The following WDR37 variants were observed in gnomAD, a reference collection of about 807,000 sequenced individuals.
WDR37 encodes WD repeat-containing protein 37.
WDR37 carries 19 observed loss-of-function variants against 62.9 expected under a neutral mutation model. That is an observed-to-expected ratio of 0.30 (90% CI 0.21 to 0.44). The LOEUF is 0.44. WDR37 is among the 20% of genes least tolerant of loss of function. The pLI is 1.00. For missense variants in WDR37, 474 were observed against 657.6 expected (o/e 0.72, Z 3.05); for synonymous variants, 250 against 260.9 (o/e 0.96, Z 0.40).
intron 6 of WDR37, among the ~76,000 whole-genome samples, chr10:1,085,360 T>C (rs534095789): frequency 1.3e-5 from 2 of 152,272 alleles, no homozygotes; most frequent in South Asian, 4.1e-4. Context: ...TGAGGGACAG[T>C]AGTTTGGTAC....
intron 1 of WDR37, among the ~76,000 whole-genome samples, chr10:1,066,403 A>G (rs146293411): frequency 0.011 from 1,619 of 152,344 alleles, 28 homozygotes; most frequent in Non-Finnish European, 0.013. Context: ...GGCGTGAGCC[A>G]CCTCGCCCAG....
intron 11 of WDR37, among the ~76,000 whole-genome samples, chr10:1,107,729 A>G (rs924825331): frequency 1.4e-5 from 2 of 147,766 alleles, no homozygotes; most frequent in East Asian, 2.0e-4. Context: ...CTCTTTACAC[A>G]TGTGTACACA....
At position 1,126,154 on chromosome 10, in the gene WDR37, G is replaced by C. The variant is rs534174238; in HGVS notation, c.1353+1130G>C. Among the ~76,000 whole-genome samples the C allele has an allele frequency of 7.2e-3, 1,103 of 152,176 alleles. 8 individuals carry two copies. Among genetic ancestry groups the C allele is most frequent in the African/African-American group, 0.014 (588 of 41,516 alleles). Reference sequence around the variant, plus strand: ...GTCGCAGTGGCTGACGCCTGTAATCGTAGCACTTTGGGAGGCTGAGGCGGG... The same window carrying C: ...GTCGCAGTGGCTGACGCCTGTAATCCTAGCACTTTGGGAGGCTGAGGCGGG... On this transcript the variant is annotated intron_variant, in intron 13 of 13. Coordinates refer to ENST00000263150, the MANE Select transcript of WDR37 (RefSeq NM_014023.4).
intron 13 of WDR37, among the ~76,000 whole-genome samples, chr10:1,126,874 G>C (rs1352597157): frequency 6.6e-6 from 1 of 152,316 alleles, no homozygotes; most frequent in South Asian, 2.1e-4. Flanking sequence ...GTTAATTATT[G>C]AGTTTTTACT....
intron 11 of WDR37, among the ~76,000 whole-genome samples, chr10:1,120,338 C>T (rs1835537155): frequency 6.6e-6 from 1 of 152,220 alleles, no homozygotes; most frequent in Non-Finnish European, 1.5e-5. Flanking sequence ...ACACAGCTAC[C>T]CCATGTCTTC....
At chr10:1,066,331 T>C (rs1833545494) in intron 1 of WDR37, among the ~76,000 whole-genome samples, 1 of 152,212 alleles carries the variant, frequency 6.6e-6, no homozygotes, top group Non-Finnish European at 1.5e-5. Flanking sequence ...TTAGCTAGGA[T>C]GGTCTCGAAG....
At chr10:1,085,340 G>A (rs1834166685) in intron 6 of WDR37, among the ~76,000 whole-genome samples, 1 of 152,110 alleles carries the variant, frequency 6.6e-6, no homozygotes, top group Non-Finnish European at 1.5e-5. Flanking sequence ...TCCCACAAGT[G>A]GAGTGCAGTT....
intron 1 of WDR37, among the ~76,000 whole-genome samples, chr10:1,071,640 T>C (rs1447458291): frequency 6.6e-6 from 1 of 152,232 alleles, no homozygotes; most frequent in Non-Finnish European, 1.5e-5. Context: ...CTATAAAATA[T>C]TTTAAACGTA....
intron 1 of WDR37, among the ~76,000 whole-genome samples, chr10:1,069,389 A>ATATATATATATTTTTT: frequency 1.3e-4 from 12 of 95,776 alleles, no homozygotes; most frequent in South Asian, 3.8e-4. Flanking sequence ...ATATATATAT[A>ATATATATATATTTTTT]TTTTTTTTTT....
intron 1 of WDR37, among the ~76,000 whole-genome samples, chr10:1,067,084 A>G (rs1564496193): frequency 6.6e-6 from 1 of 152,182 alleles, no homozygotes; most frequent in Non-Finnish European, 1.5e-5. Flanking sequence ...CCGTTGGTGG[A>G]AGGATAAATA....
At chr10:1,126,349 T>A (rs1390301859) in intron 13 of WDR37, among the ~76,000 whole-genome samples, 1 of 147,948 alleles carries the variant, frequency 6.8e-6, no homozygotes, top group Non-Finnish European at 1.5e-5. Flanking sequence ...GAGCTTGCAG[T>A]GAGCTGAGAT....
chr10:1,096,542 G>A, intron 9 of WDR37: 3 of 413,716 alleles, frequency 7.3e-6, no homozygotes, highest in South Asian at 3.6e-5. Context: ...CCGTCTTTAA[G>A]GATGAGCCCG....
At chr10:1,128,972 A>AGTCCATGATCTGTGGCCCATGCACGGTG (rs570424402) in intron 13 of WDR37, among the ~76,000 whole-genome samples, 3 of 147,064 alleles carry the variant, frequency 2.0e-5, no homozygotes, top group Non-Finnish European at 4.5e-5. Flanking sequence ...GGTGCTCGGC[A>AGTCCATGATCTGTGGCCCATGCACGGTG]GTCCATGATC....
At chr10:1,125,260 A>G (rs1272347143) in intron 13 of WDR37, among the ~76,000 whole-genome samples, 1 of 151,412 alleles carries the variant, frequency 6.6e-6, no homozygotes, top group Non-Finnish European at 1.5e-5. Context: ...CTTGTTGCCC[A>G]GGCTGGAGTG....
intron 11 of WDR37, among the ~76,000 whole-genome samples, chr10:1,120,569 A>C (rs137863216): frequency 9.2e-5 from 14 of 152,264 alleles, no homozygotes; most frequent in African/African-American, 2.6e-4. Flanking sequence ...GTTCATTTTC[A>C]AAGATCTGTT....
At chr10:1,126,902 A>G (rs1391027148) in intron 13 of WDR37, among the ~76,000 whole-genome samples, 1 of 152,200 alleles carries the variant, frequency 6.6e-6, no homozygotes, top group Non-Finnish European at 1.5e-5. Context: ...ACACATCCAA[A>G]TAGTGGAGTA....
chr10:1,122,944 A>G (rs1835629554), intron 11 of WDR37, among the ~76,000 whole-genome samples: 1 of 152,240 alleles, frequency 6.6e-6, no homozygotes, highest in Non-Finnish European at 1.5e-5. Flanking sequence ...TAATATACTT[A>G]GCACCATGTC....
At chr10:1,075,955 T>G (rs1833866589) in intron 2 of WDR37, among the ~76,000 whole-genome samples, 1 of 152,102 alleles carries the variant, frequency 6.6e-6, no homozygotes, top group Non-Finnish European at 1.5e-5. Flanking sequence ...AATTTTTGTA[T>G]TTTTAGTAGA....
At position 1,126,354 on chromosome 10, in the gene WDR37, T is replaced by A. The variant is rs10794722; in HGVS notation, c.1353+1330T>A. ...CCAGGAGGCGGAGCTTGCAGTGAGCTGAGATCGCGCCACTGCACTCCAGCC... is the reference window on the plus strand; with the variant it reads ...CCAGGAGGCGGAGCTTGCAGTGAGCAGAGATCGCGCCACTGCACTCCAGCC... On this transcript the variant is annotated intron_variant, in intron 13 of 13. Transcript: ENST00000263150. Among the ~76,000 whole-genome samples, 9 of 148,002 alleles carry A rather than the reference T, an allele frequency of 6.1e-5. No homozygotes were observed. The South Asian group carries it at 6.5e-4, about 11-fold the overall frequency.
Sources: gnomAD v4.1 joint callset for allele counts (sites outside exome capture counted in the v4.1 genomes callset) on GRCh38, gnomAD v4.1.1 for gene constraint, MANE v1.5 for transcripts, NCBI Gene and HGNC (gene_info 2026-07-23, HGNC 2026-07-21) for gene names.